The following WDR19 variants were observed in gnomAD, a reference collection of about 807,000 sequenced individuals.
The protein encoded by WDR19 is WD repeat-containing protein 19.
WDR19 carries 121 observed loss-of-function variants against 180.0 expected under a neutral mutation model. The observed-to-expected ratio is 0.67, with a 90% CI of 0.58 to 0.78. The LOEUF (loss-of-function observed/expected upper bound fraction) is 0.78, where lower values mean the gene tolerates loss of function less well. Among genes scored for constraint, WDR19 ranks in the 30% least tolerant of loss-of-function variants. The probability of loss-of-function intolerance (pLI) is 0.00; values close to 1 mark genes in which losing one functional copy is unlikely to be tolerated. For missense variants in WDR19, 1,450 were observed against 1,640.7 expected, an observed-to-expected ratio of 0.88 and a Z score of 2.01; for synonymous variants, 497 against 540.7, an observed-to-expected ratio of 0.92 and a Z score of 1.12.
Position 39,270,100 on chromosome 4 carries a change from GGT to G in WDR19, c.3483+2_3483+3del, listed in dbSNP as rs1307076348. 1 of 1,613,642 alleles carries G rather than the reference GGT, an allele frequency of 6.2e-7. No individual in the cohort carries two copies. The highest frequency in any genetic ancestry group is 8.5e-7 in the Non-Finnish European group (1 of 1,179,728). ...TTCTGCACAGCTATATACTAGTAAA[GGT>G]GAGGCCCATGGAGTGACTTGGGACA... On this transcript the variant is annotated splice_donor_variant, in intron 31 of 36. Transcript: ENST00000399820. LOFTEE classifies it high-confidence loss of function.
At chr4:39,221,282 A>G (rs980924741) in intron 14 of WDR19, among the ~76,000 whole-genome samples, 13 of 152,158 alleles carry the variant, frequency 8.5e-5, no homozygotes, top group African/African-American at 3.1e-4. Context: ...TTTCAGGAGG[A>G]AGATACTGAA....
At chr4:39,227,828 A>G (rs1730430907) in intron 15 of WDR19, among the ~76,000 whole-genome samples, 1 of 152,188 alleles carries the variant, frequency 6.6e-6, no homozygotes, top group Non-Finnish European at 1.5e-5. Flanking sequence ...CTTAATACCC[A>G]CTATTATCAA....
intron 20 of WDR19, among the ~76,000 whole-genome samples, chr4:39,237,223 T>C (rs996883318): frequency 5.9e-5 from 9 of 152,198 alleles, no homozygotes; most frequent in African/African-American, 7.2e-5. Flanking sequence ...TCATTGAGAA[T>C]ACTGACACAT....
chr4:39,256,284 C>T (rs1184380006), intron 27 of WDR19, among the ~76,000 whole-genome samples: 1 of 152,222 alleles, frequency 6.6e-6, no homozygotes, highest in Admixed American at 6.5e-5. Context: ...TGTCATCCTT[C>T]ACTTTGTTCC....
intron 29 of WDR19, among the ~76,000 whole-genome samples, chr4:39,267,521 G>A (rs993336778): frequency 6.6e-6 from 1 of 152,166 alleles, no homozygotes; most frequent in Non-Finnish European, 1.5e-5. Flanking sequence ...AATGGCCAAA[G>A]GCCAAAGAAA....
At chr4:39,224,000 A>AT (rs1311191497) in intron 14 of WDR19, among the ~76,000 whole-genome samples, 1 of 152,114 alleles carries the variant, frequency 6.6e-6, no homozygotes, top group East Asian at 1.9e-4. Context: ...ATTTAGTTAA[A>AT]TATTTTGTGT....
intron 31 of WDR19, 26 bp from the exon 32 acceptor site, chr4:39,272,954 A>G (rs1365870513): frequency 6.4e-7 from 1 of 1,555,578 alleles, no homozygotes; most frequent in Non-Finnish European, 8.7e-7. Context: ...GACTATAAGA[A>G]GAGTAAAATA....
chr4:39,265,704 G>A (rs1156762392), intron 28 of WDR19, among the ~76,000 whole-genome samples: 2 of 150,216 alleles, frequency 1.3e-5, no homozygotes, highest in African/African-American at 4.9e-5. Flanking sequence ...CCGGGGAGGC[G>A]GAGATTGCAG....
At chr4:39,250,213 A>G (rs1459337337) in intron 24 of WDR19, among the ~76,000 whole-genome samples, 1 of 152,138 alleles carries the variant, frequency 6.6e-6, no homozygotes, top group Non-Finnish European at 1.5e-5. Context: ...TACGAAAATC[A>G]ATAAATGTAA....
At chr4:39,226,486 C>G (rs1003141816) in intron 15 of WDR19, among the ~76,000 whole-genome samples, 1 of 152,108 alleles carries the variant, frequency 6.6e-6, no homozygotes, top group Non-Finnish European at 1.5e-5. Context: ...GAAAACAGTT[C>G]GGCCACTAGT....
At chr4:39,194,476 C>G in intron 4 of WDR19, 68 bp from the exon 5 acceptor site, 2 of 1,011,488 alleles carry the variant, frequency 2.0e-6, no homozygotes, top group Non-Finnish European at 2.8e-6. Context: ...CCAAGGAGTA[C>G]TTTTTTAAAG....
chr4:39,192,388 A>G (rs544792880), intron 4 of WDR19, among the ~76,000 whole-genome samples: 1 of 152,336 alleles, frequency 6.6e-6, no homozygotes, highest in East Asian at 1.9e-4. Flanking sequence ...ACCTCAGTGC[A>G]TGTCTGACCC....
chr4:39,246,678 C>T (rs919015584), intron 24 of WDR19, among the ~76,000 whole-genome samples: 11 of 152,232 alleles, frequency 7.2e-5, no homozygotes, highest in Admixed American at 7.2e-4. Context: ...TTCCAATGGG[C>T]TTATCAAACG....
chr4:39,263,780 C>T (rs1339079556), intron 28 of WDR19, among the ~76,000 whole-genome samples: 6 of 151,990 alleles, frequency 3.9e-5, no homozygotes, highest in South Asian at 2.1e-4. Context: ...TAAAATTAGC[C>T]GGGAGTGGTG....
intron 25 of WDR19, among the ~76,000 whole-genome samples, chr4:39,253,571 A>T (rs1351136432): frequency 6.6e-6 from 1 of 152,116 alleles, no homozygotes; most frequent in Non-Finnish European, 1.5e-5. Context: ...TGAGGTCAGG[A>T]GTTTGAGACC....
intron 26 of WDR19, among the ~76,000 whole-genome samples, chr4:39,254,918 C>T (rs900673418): frequency 6.6e-6 from 1 of 151,898 alleles, no homozygotes; most frequent in Non-Finnish European, 1.5e-5. Flanking sequence ...TTAAAATCCA[C>T]GAAATGACCA....
rs1468120467 is a variant in WDR19, at chr4:39,215,750, A to T, written c.962-91A>T. ...GTAAGGAAAATATTTGAAAATTGTT[A>T]TGTCTCTGGTAGCTTAAATGAAAAT... On this transcript the variant is annotated intron_variant, in intron 10 of 36. Coordinates refer to ENST00000399820, the MANE Select transcript of WDR19 (RefSeq NM_025132.4). 279 of 1,290,868 alleles carry T rather than the reference A, an allele frequency of 2.2e-4. 3 individuals carry two copies. Among genetic ancestry groups the T allele is most frequent in the Non-Finnish European group, 2.8e-4 (270 of 965,542 alleles). The allele number at this position is 1,290,868 out of a possible 1,614,324, so 80.0% of individuals were successfully genotyped here. A position where few individuals can be genotyped will look rare whatever the true frequency, so the allele number is the denominator to read the frequency against.
intron 2 of WDR19, 63 bp downstream of exon 2, chr4:39,185,880 A>C: frequency 1.5e-6 from 2 of 1,303,478 alleles, no homozygotes; most frequent in Non-Finnish European, 2.1e-6. Flanking sequence ...CCATCTACTC[A>C]GTAGAAGTTT....
chr4:39,266,392 CA>C (rs1175379006), intron 29 of WDR19, among the ~76,000 whole-genome samples: 2 of 151,734 alleles, frequency 1.3e-5, no homozygotes, highest in Middle Eastern at 3.2e-3. Context: ...AAAAAAATCG[CA>C]AAAAAAACTC....
Sources: allele counts gnomAD v4.1 joint callset (sites outside exome capture counted in the v4.1 genomes callset), GRCh38; gene constraint gnomAD v4.1.1; transcripts MANE v1.5; gene names NCBI Gene and HGNC (gene_info 2026-07-23, HGNC 2026-07-21).